The following GPRC6A variants were observed in gnomAD, a reference collection of about 807,000 sequenced individuals.
The protein encoded by GPRC6A is G protein-coupled receptor class C group 6 member A.
A neutral mutation model predicts 47.0 loss-of-function variants in GPRC6A; 54 were observed. The ratio of observed to expected loss-of-function variants is 1.15; its 90% CI spans 0.92 to 1.44. The LOEUF is 1.44. Ranked by LOEUF, GPRC6A falls within the 40% of genes most tolerant of loss-of-function variation. The pLI, the probability that GPRC6A is intolerant of heterozygous loss-of-function variation, is 0.00. For synonymous variants in GPRC6A, 347 were observed against 377.1 expected (o/e 0.92, Z 0.93); for missense variants, 1,112 against 1,105.5 (o/e 1.01, Z -0.08).
In GPRC6A at chr6:116,807,186, T is replaced by C. The variant is rs1479356219; in HGVS notation, c.519A>G (p.Ala173=). 3 of 1,611,416 alleles carry C rather than the reference T, an allele frequency of 1.9e-6. No homozygotes were observed. Among genetic ancestry groups the C allele is most frequent in the Admixed American group, 3.3e-5 (2 of 59,848 alleles). ...AGCGAATTTTGTCACTCAGGATTTCTGCAGTTGATTCATAACCCACCTGGA... is the reference window on the plus strand; with the variant it reads ...AGCGAATTTTGTCACTCAGGATTTCCGCAGTTGATTCATAACCCACCTGGA... ...LMPQVGYEST[A]EILSDKIRFP... is the part of the protein sequence containing the mutation. The change falls in exon 3 of 6, where the codon GCA becomes GCG. Residue 173 remains alanine, a synonymous_variant. Coordinates refer to ENST00000310357, the MANE Select transcript of GPRC6A (RefSeq NM_148963.4).
At chr6:116,811,491 T>C (rs1373316829) in intron 1 of GPRC6A, among the ~76,000 whole-genome samples, 2 of 151,968 alleles carry the variant, frequency 1.3e-5, no homozygotes, top group Admixed American at 1.3e-4. Context: ...AACACAATAA[T>C]TCTCCAGAAA....
chr6:116,795,605 G>A (rs1772456273), intron 5 of GPRC6A, 107 bp downstream of exon 5: 1 of 903,544 alleles, frequency 1.1e-6, no homozygotes, highest in Non-Finnish European at 1.6e-6. Context: ...AGCATGGGAA[G>A]CTTTTTAAAT....
chr6:116,799,131 G>C (rs7772771), intron 4 of GPRC6A, among the ~76,000 whole-genome samples: 20,766 of 152,098 alleles, frequency 0.14, 2,101 homozygotes, highest in African/African-American at 0.29. Flanking sequence ...ATTGAGAGGT[G>C]AGTAGGTTGG....
At chr6:116,801,191 G>T (rs1282521059) in intron 3 of GPRC6A, among the ~76,000 whole-genome samples, 2 of 152,046 alleles carry the variant, frequency 1.3e-5, no homozygotes, top group Non-Finnish European at 2.9e-5. Flanking sequence ...TCTTAAGTTT[G>T]TTTCAATGAT....
chr6:116,818,445 A>G (rs2114613797), intron 1 of GPRC6A, among the ~76,000 whole-genome samples: 1 of 135,816 alleles, frequency 7.4e-6, no homozygotes, highest in Admixed American at 7.7e-5. Flanking sequence ...GAGGCAGGAG[A>G]ATGGCGTGAA....
At chr6:116,818,619 CA>C (rs983683878) in intron 1 of GPRC6A, among the ~76,000 whole-genome samples, 2 of 117,456 alleles carry the variant, frequency 1.7e-5, no homozygotes, top group African/African-American at 6.4e-5. Context: ...GCTTCATAAG[CA>C]AAGGAGAAAT....
Position 116,792,560 on chromosome 6 carries a change from A to C in GPRC6A, c.2363T>G (p.Met788Arg), listed in dbSNP as rs767696428. The C allele has an allele frequency of 6.8e-6, 11 of 1,612,404 alleles. No homozygotes were observed. The highest frequency in any genetic ancestry group is 8.5e-6 in the Non-Finnish European group (10 of 1,178,946). Residue 788 changes from methionine to arginine, a missense_variant, in exon 6 of 6, where the codon ATG becomes AGG. Transcript: ENST00000310357. ...YNEAKFITFG[M>R]LIYFIAWITF... ...GATCCAAGCTATGAAGTAAATGAGC[A>C]TGCCAAATGTAATGAATTTGGCTTC...
At chr6:116,816,592 A>T (rs1773215871) in intron 1 of GPRC6A, among the ~76,000 whole-genome samples, 1 of 152,220 alleles carries the variant, frequency 6.6e-6, no homozygotes, top group Admixed American at 6.5e-5. Context: ...GCGACGCAGA[A>T]GACGGGTGAT....
chr6:116,798,555 A>G (rs1450130010), intron 4 of GPRC6A, among the ~76,000 whole-genome samples: 3 of 152,098 alleles, frequency 2.0e-5, no homozygotes, highest in East Asian at 1.9e-4. Flanking sequence ...GCAGAGCACT[A>G]TGTTTTACAG....
At chr6:116,809,728 A>G in intron 1 of GPRC6A, 111 bp from the exon 2 acceptor site, 2 of 663,924 alleles carry the variant, frequency 3.0e-6, no homozygotes, top group Non-Finnish European at 5.1e-6. Flanking sequence ...AGTGAAGCTT[A>G]TCTCTTAAAT....
intron 1 of GPRC6A, among the ~76,000 whole-genome samples, chr6:116,814,109 T>C (rs1445218764): frequency 6.6e-6 from 1 of 152,128 alleles, no homozygotes. Context: ...AAACAACAGA[T>C]GCTGGAGAGG....
Position 116,809,416 on chromosome 6 carries a change from G to A in GPRC6A, c.396C>T (p.Asp132=). ...TAACTCTTGGCATGTAGCTGGAATA[G>A]TCACACTTAAACTCCACAGTTTCTC... ...CSRETVEFKC[D]YSSYMPRVKA... Residue 132 remains aspartate (D), a synonymous_variant, in exon 2 of 6, where the codon GAC becomes GAT. Transcript: ENST00000310357. 1 of 1,613,654 alleles carries A rather than the reference G, an allele frequency of 6.2e-7. No homozygotes were observed. Among genetic ancestry groups the A allele is most frequent in the Non-Finnish European group, 8.5e-7 (1 of 1,179,688 alleles).
At chr6:116,823,287 C>A (rs1195565841) in intron 1 of GPRC6A, among the ~76,000 whole-genome samples, 1 of 152,078 alleles carries the variant, frequency 6.6e-6, no homozygotes. Context: ...TTTCTTCTGC[C>A]AGATACCCTA....
At chr6:116,827,225 A>C (rs1433329358) in intron 1 of GPRC6A, among the ~76,000 whole-genome samples, 1 of 152,002 alleles carries the variant, frequency 6.6e-6, no homozygotes, top group Non-Finnish European at 1.5e-5. Context: ...AATATATAGA[A>C]GTGACAATAA....
intron 3 of GPRC6A, among the ~76,000 whole-genome samples, chr6:116,802,553 C>A (rs1772708532): frequency 6.6e-6 from 1 of 152,114 alleles, no homozygotes; most frequent in African/African-American, 2.4e-5. Context: ...GCTTGCTCTA[C>A]CTCATTAAGT....
Position 116,795,750 on chromosome 6 carries a change from C to T in GPRC6A, c.1634G>A (p.Cys545Tyr). ...TRSQHICCYE[C>Y]QNCPENHYTN... ...GTAATGATTTTCAGGACAGTTCTGACATTCATAGCAACAGATGTGTTGACT... is the reference window on the plus strand; with the variant it reads ...GTAATGATTTTCAGGACAGTTCTGATATTCATAGCAACAGATGTGTTGACT... The change falls in exon 5 of 6, where the codon TGT (cysteine) becomes TAT (tyrosine). Residue 545 changes from cysteine (C) to tyrosine (Y), a missense_variant. Cys to Tyr is a radical substitution (Grantham distance 194). Transcript: ENST00000310357. The T allele has an allele frequency of 6.2e-7, 1 of 1,610,420 alleles. No homozygotes were observed. The highest frequency in any genetic ancestry group is 2.2e-5 in the East Asian group (1 of 44,746).
intron 1 of GPRC6A, among the ~76,000 whole-genome samples, chr6:116,818,815 C>T (rs535251860): frequency 2.7e-5 from 4 of 150,844 alleles, no homozygotes; most frequent in African/African-American, 9.7e-5. Context: ...AACAAAATAA[C>T]CAGCTATCAT....
intron 1 of GPRC6A, among the ~76,000 whole-genome samples, chr6:116,812,345 A>G (rs190351360): frequency 6.6e-6 from 1 of 152,196 alleles, no homozygotes; most frequent in Non-Finnish European, 1.5e-5. Context: ...CAGCACCACT[A>G]GACTGGCCCT....
intron 3 of GPRC6A, among the ~76,000 whole-genome samples, chr6:116,804,617 C>T (rs1278609186): frequency 2.6e-5 from 4 of 152,014 alleles, no homozygotes; most frequent in Non-Finnish European, 4.4e-5. Flanking sequence ...CTGTTTGTTT[C>T]TAGATTAACA....
Sources: gnomAD v4.1 joint callset for allele counts (sites outside exome capture counted in the v4.1 genomes callset) on GRCh38, gnomAD v4.1.1 for gene constraint, MANE v1.5 for transcripts, NCBI Gene and HGNC (gene_info 2026-07-23, HGNC 2026-07-21) for gene names.